Variants in ADGRE5 observed in about 807,000 individuals in gnomAD.
ADGRE5 encodes CD97 molecule.
Under a neutral mutation model 100.3 loss-of-function variants are expected in ADGRE5, and 72 were observed. The observed-to-expected ratio is 0.72, with a 90% CI of 0.59 to 0.87. The LOEUF is 0.87. ADGRE5 is among the 40% of genes least tolerant of loss of function. The pLI is 0.00. For synonymous variants in ADGRE5, 439 were observed against 447.8 expected (o/e 0.98, Z 0.25); for missense variants, 959 against 1,094.7 (o/e 0.88, Z 1.75).
intron 12 of ADGRE5, among the ~76,000 whole-genome samples, chr19:14,403,940 A>C (rs913915947): frequency 8.1e-6 from 1 of 123,602 alleles, no homozygotes; most frequent in Non-Finnish European, 1.6e-5. Flanking sequence ...GCAGTGGCTC[A>C]TTCTCGGCTC....
rs1976395075 is a variant in ADGRE5 at position 14,408,643 on chromosome 19, G to A, written c.*522G>A. On this transcript the variant is annotated 3_prime_UTR_variant, in exon 20 of 20. Coordinates refer to ENST00000242786, the MANE Select transcript of ADGRE5 (RefSeq NM_078481.4). ...GCAGGAGGTTCTCACTGTTGTGAAGGTTGTAGACGTTGTGTAATGTGTTTT... is the reference window on the plus strand; with the variant it reads ...GCAGGAGGTTCTCACTGTTGTGAAGATTGTAGACGTTGTGTAATGTGTTTT... 1 of 494,042 alleles carries A rather than the reference G, an allele frequency of 2.0e-6. No individual in the cohort carries two copies. The highest frequency in any genetic ancestry group is 3.5e-6 in the Non-Finnish European group (1 of 282,506). 30.6% of individuals were successfully genotyped at this position (494,042 alleles called of 1,614,324 possible). A position where few individuals can be genotyped will look rare whatever the true frequency, so the allele number is the denominator to read the frequency against.
rs754158779 is a variant in ADGRE5 at position 14,408,158 on chromosome 19, G to A, written c.*37G>A. 2 of 1,609,726 alleles carry A rather than the reference G, an allele frequency of 1.2e-6. No homozygotes were observed. Among genetic ancestry groups the A allele is most frequent in the East Asian group, 4.5e-5 (2 of 44,858 alleles). Reference sequence around the variant, plus strand: ...TCTGGACGGCCCAGCAGCTCCTGTGGCCACAGCAGCTTTGTACACGAAGAC... The same window carrying A: ...TCTGGACGGCCCAGCAGCTCCTGTGACCACAGCAGCTTTGTACACGAAGAC... On this transcript the variant is annotated 3_prime_UTR_variant, in exon 20 of 20. Coordinates refer to ENST00000242786, the MANE Select transcript of ADGRE5 (RefSeq NM_078481.4).
chr19:14,385,343 C>T (rs552173809), intron 1 of ADGRE5, among the ~76,000 whole-genome samples: 1 of 152,130 alleles, frequency 6.6e-6, no homozygotes, highest in East Asian at 1.9e-4. Flanking sequence ...CTCTTTGTGT[C>T]TCTGTCTCTC....
chr19:14,405,968 C>G, intron 14 of ADGRE5, 29 bp downstream of exon 14: 1 of 1,581,994 alleles, frequency 6.3e-7, no homozygotes. Context: ...CCCTCCTGAG[C>G]TCTGGGGTCA....
intron 9 of ADGRE5, among the ~76,000 whole-genome samples, chr19:14,399,711 C>A (rs1489105783): frequency 6.6e-6 from 1 of 151,102 alleles, no homozygotes. Flanking sequence ...CACTGTACTC[C>A]AGCCAGGGCA....
chr19:14,400,051 G>T (rs1287518158), intron 9 of ADGRE5, among the ~76,000 whole-genome samples: 1 of 150,436 alleles, frequency 6.6e-6, no homozygotes, highest in East Asian at 2.0e-4. Flanking sequence ...ACGGAGTCTC[G>T]CTCTGTCGCC....
intron 18 of ADGRE5, 48 bp from the exon 19 acceptor site, chr19:14,407,860 A>G: frequency 6.6e-7 from 1 of 1,510,972 alleles, no homozygotes; most frequent in Non-Finnish European, 9.2e-7. Context: ...AGGAGCGTGC[A>G]TGGTCCCAGG....
In ADGRE5 at chr19:14,408,154, T is replaced by C. The variant is rs766528318; in HGVS notation, c.*33T>C. ...TGGTTCTGGACGGCCCAGCAGCTCC[T>C]GTGGCCACAGCAGCTTTGTACACGA... On this transcript the variant is annotated 3_prime_UTR_variant, in exon 20 of 20. Coordinates refer to ENST00000242786, the MANE Select transcript of ADGRE5 (RefSeq NM_078481.4). The C allele has an allele frequency of 1.9e-6, 3 of 1,610,504 alleles. No individual in the cohort carries two copies. Among genetic ancestry groups the C allele is most frequent in the Non-Finnish European group, 2.5e-6 (3 of 1,178,642 alleles).
chr19:14,394,691 C>T (rs2146358644), intron 4 of ADGRE5, among the ~76,000 whole-genome samples: 1 of 152,246 alleles, frequency 6.6e-6, no homozygotes, highest in Middle Eastern at 3.4e-3. Context: ...GACTTGCTGC[C>T]ACCGGGGCTC....
rs1790388084 is a variant in ADGRE5, at chr19:14,401,409, A to G, written c.921A>G (p.Glu307=). The G allele has an allele frequency of 6.2e-7, 1 of 1,613,966 alleles. No homozygotes were observed. Among genetic ancestry groups the G allele is most frequent in the African/African-American group, 1.3e-5 (1 of 74,912 alleles). The change falls in exon 10 of 20, where the codon GAA becomes GAG. Residue 307 remains glutamate (E), a synonymous_variant. Transcript: ENST00000242786. This position sits in a 1 kb window ranked among gnomAD's most constrained non-coding sequence, Gnocchi z 4.1. ...AGAATGTCATCAAATTGGTGGATGA[A>G]CTGATGGAAGCTCCTGGAGACGTAG... The part of the protein sequence containing the change: ...TIQNVIKLVD[E]LMEAPGDVEA...
chr19:14,398,122 G>A lies in ADGRE5; in HGVS notation c.880G>A (p.Ala294Thr), dbSNP rs1568314401. Residue 294 changes from alanine to threonine, a missense_variant, in exon 9 of 20, where the codon GCC (alanine) becomes ACC (threonine). Physicochemically the swap from Ala to Thr is moderately conservative, Grantham distance 58. Transcript: ENST00000242786. ...DLGRDSKTSS[A>T]EVTIQNVIKL... The stretch of plus-strand genomic sequence containing the variant: ...GGGCAGAGACTCCAAGACAAGCTCA[G>A]CCGAGGTCACCATCCAGGTAAGGGC... The A allele has an allele frequency of 7.4e-6, 12 of 1,614,180 alleles. No homozygotes were observed. Among genetic ancestry groups the A allele is most frequent in the Non-Finnish European group, 9.3e-6 (11 of 1,180,020 alleles).
intron 1 of ADGRE5, chr19:14,386,583 A>G (rs1975360682): frequency 6.7e-6 from 1 of 148,730 alleles, no homozygotes; most frequent in African/African-American, 2.5e-5. Flanking sequence ...GGTCCCAGCT[A>G]CTCGAGAGGC....
chr19:14,407,095 C>G lies in ADGRE5; in HGVS notation c.2242C>G (p.Leu748Val). The G allele has an allele frequency of 6.2e-7, 1 of 1,614,174 alleles. No individual in the cohort carries two copies. Among genetic ancestry groups the G allele is most frequent in the African/African-American group, 1.3e-5 (1 of 75,074 alleles). ...LTITAIAQLF[L>V]LGCTWVFGLF... ...CATCACGGCCATCGCGCAGCTCTTCCTGTTGGGCTGCACCTGGGTCTTTGG... is the reference window on the plus strand; with the variant it reads ...CATCACGGCCATCGCGCAGCTCTTCGTGTTGGGCTGCACCTGGGTCTTTGG... The change falls in exon 18 of 20, where the codon CTG becomes GTG. Residue 748 changes from leucine to valine, a missense_variant. Leu to Val is a conservative substitution (Grantham distance 32). Around this residue, in one of 6 missense-constraint regions of ADGRE5, gnomAD observed 428 missense variants for 386.2 expected, o/e 1.11. Transcript: ENST00000242786.
rs1349787937 is a variant in ADGRE5, at chr19:14,402,775, C to T, written c.1362C>T (p.Asn454=). 1 of 1,614,128 alleles carries T rather than the reference C, an allele frequency of 6.2e-7. No homozygotes were observed. The highest frequency in any genetic ancestry group is 1.3e-5 in the African/African-American group (1 of 75,046). ...ACTCCATCTTTCTGAGCCACAACAA[C>T]ACCAAGGAACTCAACTCCCCCATCC... ...AVNSIFLSHN[N]TKELNSPILF... Residue 454 remains asparagine (N), a synonymous_variant, in exon 12 of 20, where the codon AAC becomes AAT. Coordinates refer to ENST00000242786, the MANE Select transcript of ADGRE5 (RefSeq NM_078481.4).
In ADGRE5 at chr19:14,388,518, C is replaced by T. The variant is rs958527973; in HGVS notation, c.73+18C>T. 2.6e-6 allele frequency: 4 copies of T among 1,566,172 alleles called. No individual in the cohort carries two copies. The highest frequency in any genetic ancestry group is 3.5e-6 in the Non-Finnish European group (4 of 1,155,272). On this transcript the variant is annotated intron_variant, in intron 2 of 19. Coordinates refer to ENST00000242786, the MANE Select transcript of ADGRE5 (RefSeq NM_078481.4). The stretch of plus-strand genomic sequence containing the variant: ...CTCCAGGGGTGAGTCTGCTGGGAAG[C>T]AGAAAGCACAGTCCACAGCCAGAGC...
intron 1 of ADGRE5, 71 bp from the exon 2 acceptor site, chr19:14,388,379 A>T: frequency 6.7e-7 from 1 of 1,488,946 alleles, no homozygotes. Context: ...CCTCCCACAA[A>T]GTGCATCACC....
rs141443086 is a variant in ADGRE5, at chr19:14,401,722, A to T, written c.1145A>T (p.Lys382Met). 1.9e-6 allele frequency: 3 copies of T among 1,575,536 alleles called. No individual in the cohort carries two copies. Among genetic ancestry groups the T allele is most frequent in the Non-Finnish European group, 2.6e-6 (3 of 1,161,486 alleles). ...ATGGGTCAGAGCAGCGCACGCATGA[A>T]GCTGAATTGGGCTGTGGCAGCTGGA... is the stretch of plus-strand genomic sequence containing the variant. ...VTMGQSSARM[K>M]LNWAVAAGAE... The change falls in exon 11 of 20, where the codon AAG becomes ATG. Residue 382 changes from lysine (K) to methionine (M), a missense_variant. Lys to Met is a moderately conservative substitution (Grantham distance 95). Coordinates refer to ENST00000242786, the MANE Select transcript of ADGRE5 (RefSeq NM_078481.4). The surrounding 1 kb of genome is among the most constrained non-coding windows in gnomAD (Gnocchi z 4.1).
intron 4 of ADGRE5, among the ~76,000 whole-genome samples, chr19:14,391,820 G>A (rs1240386774): frequency 2.6e-5 from 4 of 152,010 alleles, no homozygotes; most frequent in Non-Finnish European, 5.9e-5. Context: ...AGAACTGGCC[G>A]GGCGCAGTGG....
At chr19:14,397,560 G>A (rs1031513248) in intron 6 of ADGRE5, 98 bp from the exon 7 acceptor site, 8 of 1,599,604 alleles carry the variant, frequency 5.0e-6, no homozygotes, top group Non-Finnish European at 6.8e-6. Context: ...ACTCCAAGGG[G>A]GGCACTAATG....
Sources: gnomAD v4.1 joint callset for allele counts (sites outside exome capture counted in the v4.1 genomes callset) on GRCh38, gnomAD v4.1.1 for gene constraint, gnomAD v4.1.1 regional missense constraint, Gnocchi (gnomAD v3.1) non-coding constraint, MANE v1.5 for transcripts, NCBI Gene and HGNC (gene_info 2026-07-23, HGNC 2026-07-21) for gene names.